The following LARGE1 variants were observed in gnomAD, a reference collection of about 807,000 sequenced individuals.
The protein encoded by LARGE1 is LARGE xylosyl- and glucuronyltransferase 1.
Under a neutral mutation model 87.6 loss-of-function variants are expected in LARGE1, and 43 were observed. That is an observed-to-expected ratio of 0.49 (90% confidence interval 0.38 to 0.63). The LOEUF (loss-of-function observed/expected upper bound fraction) is 0.63. Ranked by LOEUF, LARGE1 falls within the 30% of genes least tolerant of loss-of-function variation. The pLI is 0.00. For missense variants in LARGE1, 802 were observed against 1,000.2 expected, an observed-to-expected ratio of 0.80 and a Z score of 2.67; for synonymous variants, 434 against 394.6, an observed-to-expected ratio of 1.10 and a Z score of -1.18.
chr22:33,393,130 A>T (rs1203032526), intron 7 of LARGE1, among the ~76,000 whole-genome samples: 8 of 152,226 alleles, frequency 5.3e-5, no homozygotes. Flanking sequence ...TCTGTTTAGG[A>T]TGTTAAATAT....
chr22:33,697,282 C>A (rs2082279318), intron 2 of LARGE1, among the ~76,000 whole-genome samples: 1 of 152,166 alleles, frequency 6.6e-6, no homozygotes, highest in Non-Finnish European at 1.5e-5. Flanking sequence ...GCAGATACAG[C>A]AGGGTCCGTA....
Position 33,556,137 on chromosome 22 carries a change from T to C in LARGE1, c.787+8711A>G, listed in dbSNP as rs76992747. Among the ~76,000 whole-genome samples the C allele has an allele frequency of 6.3e-3, 951 of 152,104 alleles. 9 individuals carry two copies. The highest frequency in any genetic ancestry group is 0.022 in the African/African-American group (908 of 41,498). ...TAGCAATGCTTTCCCTAAAATGTGATTCGACCTCACCCTGACTTTTCCCTT... is the reference window on the plus strand; with the variant it reads ...TAGCAATGCTTTCCCTAAAATGTGACTCGACCTCACCCTGACTTTTCCCTT... On this transcript the variant is annotated intron_variant, in intron 6 of 14. Coordinates refer to ENST00000397394, the MANE Select transcript of LARGE1 (RefSeq NM_133642.5).
intron 11 of LARGE1, among the ~76,000 whole-genome samples, chr22:33,183,636 A>AGAGTATTTAGCCGCACG (rs1555880699): frequency 6.7e-6 from 1 of 150,146 alleles, no homozygotes; most frequent in South Asian, 2.1e-4. Flanking sequence ...ACACACACAC[A>AGAGTATTTAGCCGCACG]CACACACACA....
intron 7 of LARGE1, among the ~76,000 whole-genome samples, chr22:33,427,176 C>T (rs1414672218): frequency 6.6e-6 from 1 of 152,224 alleles, no homozygotes; most frequent in African/African-American, 2.4e-5. Flanking sequence ...GGGTGAATGA[C>T]AGCTTCTTGC....
At chr22:33,255,039 G>A (rs1347811057) in intron 11 of LARGE1, among the ~76,000 whole-genome samples, 1 of 150,352 alleles carries the variant, frequency 6.7e-6, no homozygotes, top group African/African-American at 2.5e-5. Flanking sequence ...CCAGGTTCAA[G>A]CAATTCTCCT....
intron 9 of LARGE1, among the ~76,000 whole-genome samples, chr22:33,360,544 T>A (rs1366426736): frequency 6.7e-6 from 1 of 149,166 alleles, no homozygotes; most frequent in Non-Finnish European, 1.5e-5. Context: ...CAATCGGATC[T>A]TGTGAGAACA....
chr22:33,874,997 G>A (rs1448396842), intron 1 of LARGE1, among the ~76,000 whole-genome samples: 1 of 152,206 alleles, frequency 6.6e-6, no homozygotes, highest in African/African-American at 2.4e-5. Flanking sequence ...AGAGGATACA[G>A]GATTCACCCC....
chr22:33,265,698 C>G (rs777196298), intron 11 of LARGE1, among the ~76,000 whole-genome samples: 25 of 152,134 alleles, frequency 1.6e-4, no homozygotes, highest in Non-Finnish European at 3.5e-4. Flanking sequence ...TGTTGGACCC[C>G]CAGCAACTAT....
intron 1 of LARGE1, among the ~76,000 whole-genome samples, chr22:33,849,319 A>G (rs909453120): frequency 6.6e-6 from 1 of 152,092 alleles, no homozygotes; most frequent in Non-Finnish European, 1.5e-5. Flanking sequence ...TCGTTTTTTC[A>G]TCAATCAATC....
At chr22:33,519,363 T>C (rs1181017157) in intron 6 of LARGE1, among the ~76,000 whole-genome samples, 2 of 151,988 alleles carry the variant, frequency 1.3e-5, no homozygotes, top group Non-Finnish European at 1.5e-5. Context: ...CCAGAGACAA[T>C]GAGTTTAAAA....
chr22:33,728,161 A>G (rs776142373), intron 2 of LARGE1, among the ~76,000 whole-genome samples: 10 of 152,160 alleles, frequency 6.6e-5, no homozygotes, highest in Non-Finnish European at 1.5e-4. Context: ...CTCCACTTGT[A>G]GTATCCCGTA....
chr22:33,433,371 CG>C (rs796953231), intron 6 of LARGE1, among the ~76,000 whole-genome samples: 64 of 151,994 alleles, frequency 4.2e-4, no homozygotes, highest in African/African-American at 1.5e-3. Context: ...CCGGGATGGG[CG>C]GATCATGAGG....
chr22:33,587,281 T>C (rs2078704051), intron 5 of LARGE1, among the ~76,000 whole-genome samples: 1 of 152,176 alleles, frequency 6.6e-6, no homozygotes, highest in African/African-American at 2.4e-5. Context: ...TTTATTTCCT[T>C]GGAGCAAAGA....
chr22:33,295,574 C>T (rs899701983), intron 12 of LARGE1, among the ~76,000 whole-genome samples: 4 of 152,228 alleles, frequency 2.6e-5, no homozygotes, highest in Admixed American at 2.6e-4. Flanking sequence ...GAAGGAGCCA[C>T]CTGTGCTGCT....
Position 33,198,676 on chromosome 22 carries a change from C to CACACAT in LARGE1, c.1731-31845_1731-31844insATGTGT, listed in dbSNP as rs60375534. ...ACACACACACACACACACACACACA[C>CACACAT]GTATCTAAAATACTATACTACATGG... On this transcript the variant is annotated intron_variant, in intron 11 of 11. Transcript: ENST00000608642. 1.1e-3 allele frequency among the ~76,000 whole-genome samples: 169 copies of CACACAT among 148,568 alleles called. 1 individual carries two copies. The highest frequency in any genetic ancestry group is 3.7e-3 in the African/African-American group (149 of 40,000).
At chr22:33,621,931 G>A (rs577586980) in intron 4 of LARGE1, among the ~76,000 whole-genome samples, 4 of 152,322 alleles carry the variant, frequency 2.6e-5, no homozygotes, top group Non-Finnish European at 5.9e-5. Context: ...CTGAACTGGA[G>A]AATCCAGGAA....
At chr22:33,740,910 C>G (rs1228499154) in intron 2 of LARGE1, among the ~76,000 whole-genome samples, 1 of 152,238 alleles carries the variant, frequency 6.6e-6, no homozygotes, top group African/African-American at 2.4e-5. Flanking sequence ...CTCCAAATCC[C>G]ACACCATCTG....
chr22:33,515,848 A>G (rs5998981), intron 6 of LARGE1, among the ~76,000 whole-genome samples: 1,706 of 152,024 alleles, frequency 0.011, 36 homozygotes, highest in African/African-American at 0.04. Flanking sequence ...GTCACCCCTC[A>G]CCCTCCCCTT....
the LARGE1 span, among the ~76,000 whole-genome samples, chr22:33,144,143 G>A: frequency 2.0e-5 from 3 of 151,750 alleles, no homozygotes; most frequent in Non-Finnish European, 4.4e-5. Flanking sequence ...ACTTCACTTC[G>A]ATTTTAAAAG....
Sources: allele counts gnomAD v4.1 joint callset (sites outside exome capture counted in the v4.1 genomes callset), GRCh38; gene constraint gnomAD v4.1.1; transcripts MANE v1.5; gene names NCBI Gene and HGNC (gene_info 2026-07-23, HGNC 2026-07-21).